TAPT1: variants seen among roughly 807,000 people sequenced by gnomAD.
TAPT1 encodes the protein transmembrane anterior posterior transformation protein 1 homolog.
A neutral mutation model predicts 65.6 loss-of-function variants in TAPT1; 28 were observed. That is an observed-to-expected ratio of 0.43 (90% CI 0.32 to 0.59). TAPT1 has a LOEUF of 0.59. Among genes scored for constraint, TAPT1 ranks in the 20% least tolerant of loss-of-function variants. The probability of loss-of-function intolerance (pLI) is 0.09; values close to 1 mark genes in which losing one functional copy is unlikely to be tolerated. For synonymous variants in TAPT1, 278 were observed against 245.2 expected (o/e 1.13, Z -1.25); for missense variants, 563 against 679.9 (o/e 0.83, Z 1.91).
At chr4:16,181,947 C>T (rs1229451773) in intron 7 of TAPT1, among the ~76,000 whole-genome samples, 1 of 151,944 alleles carries the variant, frequency 6.6e-6, no homozygotes, top group Non-Finnish European at 1.5e-5. Context: ...TAAATGAATG[C>T]GATTTTATAA....
At chr4:16,220,382 A>AATCCAAAT (rs1172982397) in intron 1 of TAPT1, among the ~76,000 whole-genome samples, 1 of 152,216 alleles carries the variant, frequency 6.6e-6, no homozygotes, top group African/African-American at 2.4e-5. Context: ...TTTTTCCAAT[A>AATCCAAAT]ATCCAAATAT....
chr4:16,216,763 CT>C (rs1442804280), intron 1 of TAPT1, among the ~76,000 whole-genome samples: 3 of 152,216 alleles, frequency 2.0e-5, no homozygotes, highest in African/African-American at 7.2e-5. Context: ...GCAAAAGCTT[CT>C]TGATTGAGTA....
Position 16,226,327 on chromosome 4 carries a change from G to A in TAPT1, c.131C>T (p.Pro44Leu), listed in dbSNP as rs1260296379. 1 of 1,120,756 alleles carries A rather than the reference G, an allele frequency of 8.9e-7. No homozygotes were observed. Among genetic ancestry groups the A allele is most frequent in the Non-Finnish European group, 1.1e-6 (1 of 917,596 alleles). 69.4% of individuals were successfully genotyped at this position (1,120,756 alleles called of 1,614,324 possible). ...GAAGCCCAGCGTCTCTGTGAGCTGA[G>A]GCGCCGGCGGGGGCCCCTGTCCGCC... ...GSGGQGPPPAPQLTETLGFYE... is the reference protein window; with the variant it reads ...GSGGQGPPPALQLTETLGFYE... Residue 44 changes from proline to leucine, a missense_variant, in exon 1 of 14, where the codon CCT becomes CTT. This residue lies in a region of TAPT1 where 103 missense variants were observed against 89.4 expected (regional missense o/e 1.15). Coordinates refer to ENST00000405303, the MANE Select transcript of TAPT1 (RefSeq NM_153365.3).
intron 7 of TAPT1, among the ~76,000 whole-genome samples, chr4:16,184,886 T>C (rs1394321020): frequency 6.6e-6 from 1 of 152,264 alleles, no homozygotes; most frequent in African/African-American, 2.4e-5. Context: ...TCGTCAGATA[T>C]ATGCATCTCA....
intron 3 of TAPT1, among the ~76,000 whole-genome samples, chr4:16,197,791 G>T (rs1433455435): frequency 6.6e-6 from 1 of 151,998 alleles, no homozygotes; most frequent in South Asian, 2.1e-4. Context: ...ACTCTTATCT[G>T]GGAAAGAGGG....
chr4:16,227,211 C>G (rs1046915172), upstream of TAPT1: 3 of 455,432 alleles, frequency 6.6e-6, no homozygotes, highest in African/African-American at 4.0e-5. Flanking sequence ...CGCGGCCGGA[C>G]CGGCAGAGTT....
intron 12 of TAPT1, 90 bp downstream of exon 12, chr4:16,170,560 GGGA>G (rs551398804): frequency 2.4e-6 from 2 of 840,394 alleles, no homozygotes; most frequent in South Asian, 3.3e-5. Flanking sequence ...GGCATAGACT[GGGA>G]GTAGTATGAT....
chr4:16,200,154 T>A (rs1202265034), intron 3 of TAPT1, among the ~76,000 whole-genome samples: 1 of 152,204 alleles, frequency 6.6e-6, no homozygotes, highest in Non-Finnish European at 1.5e-5. Flanking sequence ...TCTATCATTT[T>A]AATGTTTTAC....
intron 1 of TAPT1, chr4:16,214,641 G>A (rs1200587619): frequency 6.6e-6 from 1 of 152,276 alleles, no homozygotes. Flanking sequence ...GAGGTGAGAA[G>A]CGAAGGCTCT....
upstream of TAPT1, chr4:16,226,553 AGCCGCCGCC>A (rs551534255): frequency 8.9e-5 from 66 of 742,450 alleles, no homozygotes; most frequent in African/African-American, 2.8e-4. Context: ...CCGGAGCCCG[AGCCGCCGCC>A]GCCGCCGCCG....
At chr4:16,214,791 T>A (rs1230197974) in intron 1 of TAPT1, among the ~76,000 whole-genome samples, 1 of 152,204 alleles carries the variant, frequency 6.6e-6, no homozygotes, top group Non-Finnish European at 1.5e-5. Context: ...AGAACGCAGG[T>A]TACCAAAAGG....
rs145574086 is a variant in TAPT1, at chr4:16,174,287, A to C, written c.1168-15T>G. 7.5e-6 allele frequency: 12 copies of C among 1,592,372 alleles called. No individual in the cohort carries two copies. Among genetic ancestry groups the C allele is most frequent in the African/African-American group, 1.3e-5 (1 of 74,488 alleles). On this transcript the variant is annotated splice_polypyrimidine_tract_variant and intron_variant, in intron 10 of 13. Transcript: ENST00000405303. Reference sequence around the variant, plus strand: ...TCAGTGTATGCCTGAACAGAGAAAGAAGCAAAAGATTCAGATTTATGGGAT... The same window carrying C: ...TCAGTGTATGCCTGAACAGAGAAAGCAGCAAAAGATTCAGATTTATGGGAT...
upstream of TAPT1, chr4:16,226,922 G>A: frequency 2.6e-6 from 1 of 383,714 alleles, no homozygotes; most frequent in South Asian, 1.9e-5. Flanking sequence ...GTCCGCTCAG[G>A]GCCTCTTTTG....
At chr4:16,205,982 A>G (rs1456704283) in intron 2 of TAPT1, among the ~76,000 whole-genome samples, 1 of 152,204 alleles carries the variant, frequency 6.6e-6, no homozygotes, top group Admixed American at 6.5e-5. Flanking sequence ...GAGAATGAAG[A>G]TGTTCTCAAT....
chr4:16,176,218 C>G lies in TAPT1; in HGVS notation c.1008G>C (p.Trp336Cys). ...EQFSWNPDHLWVLFPDVCMVI... is the reference protein window; with the variant it reads ...EQFSWNPDHLCVLFPDVCMVI... ...CCATACAGACATCTGGAAACAACAC[C>G]CAGAGATGATCTGTAAATAGAAAAA... Residue 336 changes from tryptophan to cysteine, a missense_variant, in exon 9 of 14, where the codon TGG becomes TGC. This residue lies in a region of TAPT1 where 217 missense variants were observed against 317.5 expected (regional missense o/e 0.68). Coordinates refer to ENST00000405303, the MANE Select transcript of TAPT1 (RefSeq NM_153365.3). The G allele has an allele frequency of 1.3e-6, 2 of 1,544,564 alleles. No homozygotes were observed. Among genetic ancestry groups the G allele is most frequent in the South Asian group, 2.4e-5 (2 of 81,798 alleles).
In TAPT1 at chr4:16,162,235, C is replaced by T. The variant is rs908954768; in HGVS notation, c.*1073G>A. On this transcript the variant is annotated 3_prime_UTR_variant, in exon 14 of 14. Transcript: ENST00000405303. The stretch of plus-strand genomic sequence containing the variant: ...TGCCCCATCCCCAGCACAGGCCCAC[C>T]CTGATAGTCACATCCCCACAGACAC... The T allele has an allele frequency of 1.3e-5, 2 of 153,058 alleles. No individual in the cohort carries two copies. The highest frequency in any genetic ancestry group is 2.4e-5 in the African/African-American group (1 of 41,396). 9.5% of individuals were successfully genotyped at this position (153,058 alleles called of 1,614,324 possible).
At chr4:16,207,096 C>T (rs1479166060) in intron 2 of TAPT1, among the ~76,000 whole-genome samples, 3 of 152,330 alleles carry the variant, frequency 2.0e-5, no homozygotes, top group South Asian at 2.1e-4. Flanking sequence ...AGCAGCCACA[C>T]AGCAGGGGCT....
At chr4:16,178,034 T>C (rs1312705498) in intron 8 of TAPT1, among the ~76,000 whole-genome samples, 2 of 152,212 alleles carry the variant, frequency 1.3e-5, no homozygotes. Context: ...TAAAGACTAT[T>C]TGTCTTTTGG....
At position 16,191,390 on chromosome 4, in the gene TAPT1, T is replaced by C; in HGVS notation, c.583A>G (p.Lys195Glu). 1 of 1,602,540 alleles carries C rather than the reference T, an allele frequency of 6.2e-7. No individual in the cohort carries two copies. Among genetic ancestry groups the C allele is most frequent in the South Asian group, 1.1e-5 (1 of 88,270 alleles). ...YHLIRGQSVIKLYIIYNMLEV... is the reference protein window; with the variant it reads ...YHLIRGQSVIELYIIYNMLEV... ...AGCATGTTGTAGATGATGTAGAGCTTGATGACGGACTGCCCCCTTATCAGG... is the reference window on the plus strand; with the variant it reads ...AGCATGTTGTAGATGATGTAGAGCTCGATGACGGACTGCCCCCTTATCAGG... The change falls in exon 4 of 14, where the codon AAG (lysine) becomes GAG (glutamate). Residue 195 changes from lysine (K) to glutamate (E), a missense_variant. Coordinates refer to ENST00000405303, the MANE Select transcript of TAPT1 (RefSeq NM_153365.3).
Sources: allele counts gnomAD v4.1 joint callset (sites outside exome capture counted in the v4.1 genomes callset), GRCh38; gene constraint gnomAD v4.1.1; regional missense constraint gnomAD v4.1.1; transcripts MANE v1.5; gene names NCBI Gene and HGNC (gene_info 2026-07-23, HGNC 2026-07-21).